Variants in TTC27 observed in about 807,000 individuals in gnomAD.
TTC27 encodes tetratricopeptide repeat domain 27.
TTC27 carries 79 observed loss-of-function variants against 115.9 expected under a neutral mutation model. The ratio of observed to expected loss-of-function variants is 0.68; its 90% CI spans 0.57 to 0.82. The LOEUF (loss-of-function observed/expected upper bound fraction) is 0.82, where lower values mean the gene tolerates loss of function less well. Ranked by LOEUF, TTC27 falls within the 40% of genes least tolerant of loss-of-function variation. TTC27 has a pLI of 0.00. For missense variants in TTC27, 1,054 were observed against 993.1 expected, an observed-to-expected ratio of 1.06 and a Z score of -0.82; for synonymous variants, 401 against 356.0, an observed-to-expected ratio of 1.13 and a Z score of -1.42.
At chr2:32,637,198 G>A (rs1350678798) in intron 3 of TTC27, among the ~76,000 whole-genome samples, 4 of 152,080 alleles carry the variant, frequency 2.6e-5, no homozygotes, top group African/African-American at 9.7e-5. Context: ...ATTTTTATTT[G>A]TTGCTATGTT....
At chr2:32,750,504 C>G (rs531044428) in intron 12 of TTC27, among the ~76,000 whole-genome samples, 132 of 152,290 alleles carry the variant, frequency 8.7e-4, no homozygotes, top group African/African-American at 3.1e-3. Context: ...GAAACAGTTT[C>G]CAGTTTAAGC....
chr2:32,630,083 C>T (rs759813508), intron 1 of TTC27, among the ~76,000 whole-genome samples: 1 of 152,148 alleles, frequency 6.6e-6, no homozygotes, highest in Non-Finnish European at 1.5e-5. Context: ...GGCAGGAATA[C>T]GCATGGGACA....
At chr2:32,643,164 A>C (rs1430666261) in intron 4 of TTC27, among the ~76,000 whole-genome samples, 1 of 152,074 alleles carries the variant, frequency 6.6e-6, no homozygotes, top group African/African-American at 2.4e-5. Flanking sequence ...CACGGATTTC[A>C]ACATGTCTTA....
At chr2:32,755,601 A>AGAGAGG (rs1417093684) in intron 12 of TTC27, among the ~76,000 whole-genome samples, 4 of 144,232 alleles carry the variant, frequency 2.8e-5, no homozygotes, top group Non-Finnish European at 6.1e-5. Flanking sequence ...GACGGTGGAA[A>AGAGAGG]GAGAGGGAGA....
intron 12 of TTC27, among the ~76,000 whole-genome samples, chr2:32,746,046 A>T (rs1668814421): frequency 6.6e-6 from 1 of 152,148 alleles, no homozygotes. Context: ...TAAAATTAAT[A>T]ATTAGTTGTG....
chr2:32,738,541 T>C (rs759713673), intron 12 of TTC27, among the ~76,000 whole-genome samples: 7 of 152,238 alleles, frequency 4.6e-5, no homozygotes, highest in Non-Finnish European at 8.8e-5. Context: ...TACCTGTGCA[T>C]GTGAAAGCTA....
rs770621313 is a variant in TTC27 at position 32,746,563 on chromosome 2, CAA to C, written c.1452+9765_1452+9766del. Reference sequence around the variant, plus strand: ...TGGCAATAAGAGTGAAACTCCATCTCAAAAAAAAAAAAAAAAAAAGAATGCAC... The same window carrying C: ...TGGCAATAAGAGTGAAACTCCATCTCAAAAAAAAAAAAAAAAAGAATGCAC... On this transcript the variant is annotated intron_variant, in intron 12 of 19. Transcript: ENST00000317907. Among the ~76,000 whole-genome samples, 7 of 46,306 alleles carry C rather than the reference CAA, an allele frequency of 1.5e-4. 1 individual carries two copies. Among genetic ancestry groups the C allele is most frequent in the South Asian group, 1.8e-3 (1 of 570 alleles). 30.4% of individuals were successfully genotyped at this position (46,306 alleles called of 152,430 possible).
chr2:32,787,916 CTGTT>C (rs1670403145), intron 16 of TTC27, among the ~76,000 whole-genome samples: 1 of 152,182 alleles, frequency 6.6e-6, no homozygotes, highest in African/African-American at 2.4e-5. Context: ...TCTAGTGAAT[CTGTT>C]TGCACAGTCC....
At chr2:32,762,134 C>G (rs1434867495) in intron 13 of TTC27, among the ~76,000 whole-genome samples, 1 of 152,142 alleles carries the variant, frequency 6.6e-6, no homozygotes, top group Non-Finnish European at 1.5e-5. Flanking sequence ...GAGAACATTT[C>G]TACTTTTGGT....
At chr2:32,808,603 C>T (rs947013014) in intron 16 of TTC27, among the ~76,000 whole-genome samples, 3 of 152,186 alleles carry the variant, frequency 2.0e-5, no homozygotes, top group African/African-American at 7.2e-5. Context: ...CCCCTGCAAA[C>T]ACACACACAT....
At chr2:32,753,991 C>G (rs1669110700) in intron 12 of TTC27, among the ~76,000 whole-genome samples, 1 of 151,942 alleles carries the variant, frequency 6.6e-6, no homozygotes, top group Non-Finnish European at 1.5e-5. Flanking sequence ...TGGAGAATCG[C>G]TTGAACCTGG....
intron 12 of TTC27, among the ~76,000 whole-genome samples, chr2:32,754,401 C>T (rs1338407221): frequency 6.7e-6 from 1 of 148,958 alleles, no homozygotes; most frequent in Non-Finnish European, 1.5e-5. Context: ...CTTGCACCGC[C>T]CTTAATCCAT....
intron 5 of TTC27, among the ~76,000 whole-genome samples, chr2:32,655,256 C>CCA (rs1665276417): frequency 1.3e-5 from 2 of 152,164 alleles, no homozygotes; most frequent in Non-Finnish European, 2.9e-5. Flanking sequence ...TCCCAAAGTG[C>CCA]TGGTATTACA....
Position 32,820,965 on chromosome 2 carries a change from G to T in TTC27, c.*27G>T. On this transcript the variant is annotated 3_prime_UTR_variant, in exon 20 of 20. Transcript: ENST00000317907. Reference sequence around the variant, plus strand: ...TCTGCTGGAAGCAGATTCTGGAAAAGGTGCTTTCACCTGCTGGTAAAAGAT... The same window carrying T: ...TCTGCTGGAAGCAGATTCTGGAAAATGTGCTTTCACCTGCTGGTAAAAGAT... The T allele has an allele frequency of 6.9e-7, 1 of 1,441,574 alleles. No individual in the cohort carries two copies. The highest frequency in any genetic ancestry group is 9.2e-7 in the Non-Finnish European group (1 of 1,081,900). 89.3% of individuals were successfully genotyped at this position (1,441,574 alleles called of 1,614,324 possible).
intron 8 of TTC27, among the ~76,000 whole-genome samples, chr2:32,677,113 T>G (rs1365579493): frequency 6.6e-6 from 1 of 152,174 alleles, no homozygotes; most frequent in Non-Finnish European, 1.5e-5. Context: ...TTTGCTTGTT[T>G]TTGAGCTTTA....
chr2:32,655,065 C>G (rs1189578645), intron 5 of TTC27, among the ~76,000 whole-genome samples: 2 of 151,270 alleles, frequency 1.3e-5, no homozygotes, highest in Non-Finnish European at 2.9e-5. Context: ...CTCGGCTCAA[C>G]TCAACCTCTG....
Position 32,758,474 on chromosome 2 carries a change from G to A in TTC27, c.1635G>A (p.Glu545=), listed in dbSNP as rs1261131202. 9.9e-6 allele frequency: 16 copies of A among 1,614,050 alleles called. No individual in the cohort carries two copies. The highest frequency in any genetic ancestry group is 1.4e-5 in the Non-Finnish European group (16 of 1,180,006). Residue 545 remains glutamate, a synonymous_variant, in exon 13 of 20, where the codon GAG becomes GAA. Transcript: ENST00000317907. The stretch of plus-strand genomic sequence containing the variant: ...ATCTTCGGAACAAGGAGTTTCAAGA[G>A]TGTGTAGAGTGCTTCGAACGCTCGG... ...LLHLRNKEFQ[E]CVECFERSVK...
chr2:32,801,648 A>G (rs1195608956), intron 16 of TTC27, among the ~76,000 whole-genome samples: 1 of 152,224 alleles, frequency 6.6e-6, no homozygotes, highest in Non-Finnish European at 1.5e-5. Context: ...AAACAGTTGT[A>G]GCAGTAGCAT....
chr2:32,712,729 T>C (rs573453209), intron 10 of TTC27, among the ~76,000 whole-genome samples: 19 of 152,168 alleles, frequency 1.2e-4, no homozygotes, highest in African/African-American at 4.1e-4. Flanking sequence ...GTATTTTTTA[T>C]AGAGACAAGG....
Sources: gnomAD v4.1 joint callset for allele counts (sites outside exome capture counted in the v4.1 genomes callset) on GRCh38, gnomAD v4.1.1 for gene constraint, MANE v1.5 for transcripts, NCBI Gene and HGNC (gene_info 2026-07-23, HGNC 2026-07-21) for gene names.